The following CALN1 variants were observed in gnomAD, a reference collection of about 807,000 sequenced individuals.
CALN1 encodes calneuron 1.
Under a neutral mutation model 30.6 loss-of-function variants are expected in CALN1, and 17 were observed. That is an observed-to-expected ratio of 0.56 (90% CI 0.38 to 0.83). The LOEUF is 0.83. CALN1 is among the 40% of genes least tolerant of loss of function. The probability of loss-of-function intolerance (pLI) is 0.00; values close to 1 mark genes in which losing one functional copy is unlikely to be tolerated. For missense variants in CALN1, 291 were observed against 354.9 expected (o/e 0.82, Z 1.45); for synonymous variants, 156 against 131.4 (o/e 1.19, Z -1.28).
chr7:72,419,737 G>A (rs556638521), intron 1 of CALN1, among the ~76,000 whole-genome samples: 4 of 152,222 alleles, frequency 2.6e-5, no homozygotes, highest in Admixed American at 2.0e-4. Context: ...GTGGCTGACC[G>A]GCAAGGATAC....
chr7:71,946,280 A>T (rs1239504942), intron 5 of CALN1, among the ~76,000 whole-genome samples: 2 of 152,172 alleles, frequency 1.3e-5, no homozygotes, highest in Admixed American at 6.6e-5. Flanking sequence ...TGAGTAAAAA[A>T]ATCTAATTCT....
At chr7:72,370,733 T>C (rs1458781227) in intron 2 of CALN1, among the ~76,000 whole-genome samples, 2 of 152,018 alleles carry the variant, frequency 1.3e-5, no homozygotes, top group African/African-American at 2.4e-5. Flanking sequence ...TTCTTTTCAT[T>C]CTCTCAACAG....
chr7:71,891,970 A>T (rs181312783), intron 5 of CALN1, among the ~76,000 whole-genome samples: 1 of 152,168 alleles, frequency 6.6e-6, no homozygotes, highest in East Asian at 1.9e-4. Context: ...AAAAAAAAAT[A>T]ACAAGTGCTA....
chr7:72,019,172 A>G (rs1372208528), intron 5 of CALN1, among the ~76,000 whole-genome samples: 1 of 152,074 alleles, frequency 6.6e-6, no homozygotes, highest in African/African-American at 2.4e-5. Context: ...TTTTATTAGG[A>G]AAAGGCACCT....
chr7:72,213,376 T>C (rs1408989173), intron 3 of CALN1, among the ~76,000 whole-genome samples: 1 of 152,100 alleles, frequency 6.6e-6, no homozygotes, highest in Non-Finnish European at 1.5e-5. Context: ...GGCAAAACTT[T>C]ATGGGTCAGA....
chr7:72,003,947 G>A (rs1799647348), intron 5 of CALN1, among the ~76,000 whole-genome samples: 5 of 152,128 alleles, frequency 3.3e-5, no homozygotes, highest in African/African-American at 1.2e-4. Flanking sequence ...ACATAATAAA[G>A]ATGCCAATTC....
At chr7:72,358,401 G>C (rs1394937489) in intron 2 of CALN1, among the ~76,000 whole-genome samples, 2 of 150,798 alleles carry the variant, frequency 1.3e-5, no homozygotes, top group African/African-American at 5.0e-5. Context: ...GAAAGGAAAA[G>C]GACTGTTAGA....
rs118004185 is a variant in CALN1 at position 71,834,520 on chromosome 7, G to T, written c.502-24028C>A. On this transcript the variant is annotated intron_variant, in intron 5 of 6. Transcript: ENST00000395275. ...TTAGCATCAATTGTTAAAAACATTG[G>T]GAAAACTAAGCTATTGTGTTCTGAG... 2.6e-4 allele frequency among the ~76,000 whole-genome samples: 40 copies of T among 152,184 alleles called. No individual in the cohort carries two copies. The East Asian group carries it at 6.9e-3, about 26-fold the overall frequency.
chr7:71,875,230 G>A (rs1232222592), intron 5 of CALN1, among the ~76,000 whole-genome samples: 3 of 149,554 alleles, frequency 2.0e-5, no homozygotes, highest in Admixed American at 2.0e-4. Context: ...GTCACCAGCT[G>A]TGTCAGCAGA....
rs147751800 is a variant in CALN1, at chr7:71,849,210, C to T, written c.502-38718G>A. Among the ~76,000 whole-genome samples the T allele has an allele frequency of 7.6e-3, 1,155 of 152,260 alleles. 10 individuals are homozygous for T. Among genetic ancestry groups the T allele is most frequent in the African/African-American group, 0.025 (1,048 of 41,534 alleles). On this transcript the variant is annotated intron_variant, in intron 5 of 6. Transcript: ENST00000395275. ...GTGAGCATGTAGCTTTTTTACATCT[C>T]CAATAGATAGGCAGTTGCCCCAATT...
chr7:72,339,656 G>A (rs929830659), intron 2 of CALN1, among the ~76,000 whole-genome samples: 4 of 152,200 alleles, frequency 2.6e-5, no homozygotes, highest in Non-Finnish European at 4.4e-5. Flanking sequence ...AAAGGAAAGA[G>A]GTTTAATGGA....
chr7:72,396,560 C>T (rs1387040544), intron 2 of CALN1, among the ~76,000 whole-genome samples: 1 of 151,900 alleles, frequency 6.6e-6, no homozygotes, highest in Non-Finnish European at 1.5e-5. Flanking sequence ...GACAGTGTGT[C>T]GGGGAAGAGA....
At chr7:71,993,155 A>G (rs1409207142) in intron 5 of CALN1, among the ~76,000 whole-genome samples, 1 of 152,124 alleles carries the variant, frequency 6.6e-6, no homozygotes, top group Non-Finnish European at 1.5e-5. Context: ...TACTTCCTAC[A>G]GGCTGAGGAT....
At chr7:72,100,315 G>T (rs990735013) in intron 4 of CALN1, among the ~76,000 whole-genome samples, 4 of 151,870 alleles carry the variant, frequency 2.6e-5, no homozygotes, top group African/African-American at 9.7e-5. Flanking sequence ...CCAAGTAGCT[G>T]GGATTACAGA....
intron 5 of CALN1, among the ~76,000 whole-genome samples, chr7:71,854,546 T>C (rs974860948): frequency 2.0e-5 from 3 of 152,236 alleles, no homozygotes; most frequent in African/African-American, 7.2e-5. Context: ...ACATGCATGT[T>C]TGTTGTAAGG....
intron 1 of CALN1, among the ~76,000 whole-genome samples, chr7:72,407,283 T>A (rs1467971416): frequency 1.3e-5 from 2 of 152,192 alleles, no homozygotes; most frequent in African/African-American, 4.8e-5. Context: ...ACCTACCTTT[T>A]AAAGTTATTG....
intron 5 of CALN1, among the ~76,000 whole-genome samples, chr7:71,836,142 C>T (rs1789585855): frequency 1.3e-5 from 2 of 152,188 alleles, no homozygotes; most frequent in Admixed American, 1.3e-4. Flanking sequence ...CCTCTAGAAG[C>T]AGAGCCTCCC....
chr7:72,376,929 T>C (rs1187901906), intron 2 of CALN1, among the ~76,000 whole-genome samples: 1 of 152,236 alleles, frequency 6.6e-6, no homozygotes, highest in African/African-American at 2.4e-5. Context: ...CTCAACATTA[T>C]TTGTTGAAAA....
At chr7:71,910,597 C>T (rs953318619) in intron 5 of CALN1, among the ~76,000 whole-genome samples, 4 of 152,140 alleles carry the variant, frequency 2.6e-5, no homozygotes, top group African/African-American at 7.2e-5. Flanking sequence ...CCAAGAAACT[C>T]ACTGAGTCTA....
Sources: allele counts gnomAD v4.1 joint callset (sites outside exome capture counted in the v4.1 genomes callset), GRCh38; gene constraint gnomAD v4.1.1; transcripts MANE v1.5; gene names NCBI Gene and HGNC (gene_info 2026-07-23, HGNC 2026-07-21).